Variants in FRMD6 observed in about 807,000 individuals in gnomAD.
FRMD6 encodes FERM domain-containing protein 6.
FRMD6 carries 37 observed loss-of-function variants against 73.2 expected under a neutral mutation model. The observed-to-expected ratio is 0.51, with a 90% confidence interval of 0.39 to 0.66. The LOEUF (loss-of-function observed/expected upper bound fraction) is 0.66. FRMD6 is among the 30% of genes least tolerant of loss of function. FRMD6 has a pLI of 0.00. For missense variants in FRMD6, 714 were observed against 780.5 expected, an observed-to-expected ratio of 0.91 and a Z score of 1.02; for synonymous variants, 273 against 282.2, an observed-to-expected ratio of 0.97 and a Z score of 0.33.
At chr14:51,501,033 T>C (rs776982767) in intron 1 of FRMD6, among the ~76,000 whole-genome samples, 10 of 152,142 alleles carry the variant, frequency 6.6e-5, no homozygotes, top group Non-Finnish European at 1.3e-4. Flanking sequence ...TCAGACAGCT[T>C]CCCTGTTCCT....
the FRMD6 span, among the ~76,000 whole-genome samples, chr14:51,411,272 G>A: frequency 6.6e-6 from 1 of 152,190 alleles, no homozygotes; most frequent in African/African-American, 2.4e-5. Flanking sequence ...GGCAGCAAGA[G>A]CAGAACTGAA....
intron 6 of FRMD6, among the ~76,000 whole-genome samples, chr14:51,705,933 A>G (rs897499231): frequency 2.6e-5 from 4 of 152,134 alleles, no homozygotes; most frequent in African/African-American, 7.2e-5. Flanking sequence ...ATCTCATCCA[A>G]ATTAATGCTT....
chr14:51,517,440 C>A (rs1884694896), intron 1 of FRMD6, among the ~76,000 whole-genome samples: 2 of 152,134 alleles, frequency 1.3e-5, no homozygotes, highest in Admixed American at 6.5e-5. Flanking sequence ...ATAAAGAGAG[C>A]TGTTTACCCT....
At chr14:51,423,082 T>C in the FRMD6 span, among the ~76,000 whole-genome samples, 1,317 of 152,326 alleles carry the variant, frequency 8.6e-3, 19 homozygotes, top group Middle Eastern at 0.048. Context: ...GCCAGCCTGC[T>C]TTGGACTGTA....
At chr14:51,705,741 A>G (rs1896588153) in intron 6 of FRMD6, among the ~76,000 whole-genome samples, 1 of 152,106 alleles carries the variant, frequency 6.6e-6, no homozygotes, top group Non-Finnish European at 1.5e-5. Context: ...TTTCCCCATC[A>G]GTCCACTCAT....
At chr14:51,538,997 A>G (rs550542469) in intron 1 of FRMD6, among the ~76,000 whole-genome samples, 1 of 152,206 alleles carries the variant, frequency 6.6e-6, no homozygotes, top group African/African-American at 2.4e-5. Context: ...TAGAAATACA[A>G]TGGACTTTTA....
rs781036127 is a variant in FRMD6, at chr14:51,727,754, C to T, written c.1594C>T (p.Arg532Trp). The T allele has an allele frequency of 6.9e-6, 11 of 1,597,652 alleles. No homozygotes were observed. The highest frequency in any genetic ancestry group is 1.7e-4 in the Middle Eastern group (1 of 6,040). Reference sequence around the variant, plus strand: ...TTCCCTTATCTTGCAGACTATATGTCGGAAACCAAAGACCTCCACTGATCG... The same window carrying T: ...TTCCCTTATCTTGCAGACTATATGTTGGAAACCAAAGACCTCCACTGATCG... The part of the protein sequence containing the change: ...STDSLPQTIC[R>W]KPKTSTDRHS... Residue 532 changes from arginine to tryptophan, a missense_variant, in exon 14 of 14, where the codon CGG (arginine) becomes TGG (tryptophan). Arg to Trp is a moderately radical substitution (Grantham distance 101, BLOSUM62 -3). Coordinates refer to ENST00000344768, the MANE Select transcript of FRMD6 (RefSeq NM_001267046.2).
chr14:51,552,156 T>A (rs571500844), intron 1 of FRMD6, among the ~76,000 whole-genome samples: 3 of 152,314 alleles, frequency 2.0e-5, no homozygotes, highest in African/African-American at 7.2e-5. Flanking sequence ...ATGGGGTAAA[T>A]CTGTTGATAA....
chr14:51,591,985 G>T (rs901690472), intron 2 of FRMD6, among the ~76,000 whole-genome samples: 1 of 152,076 alleles, frequency 6.6e-6, no homozygotes, highest in Non-Finnish European at 1.5e-5. Flanking sequence ...GGTCATTTTT[G>T]CAGTCTCACA....
At chr14:51,411,094 C>T in the FRMD6 span, among the ~76,000 whole-genome samples, 2 of 152,296 alleles carry the variant, frequency 1.3e-5, no homozygotes, top group South Asian at 2.1e-4. Flanking sequence ...TGTGTTCCCT[C>T]CTATCCTCAG....
the FRMD6 span, among the ~76,000 whole-genome samples, chr14:51,467,034 A>G: frequency 6.6e-6 from 1 of 152,016 alleles, no homozygotes; most frequent in Non-Finnish European, 1.5e-5. Context: ...TGGCAGGGTC[A>G]TAGGACAATA....
upstream of FRMD6, chr14:51,651,602 C>G (rs1293056843): frequency 6.6e-6 from 1 of 152,276 alleles, no homozygotes; most frequent in Non-Finnish European, 1.5e-5. Flanking sequence ...CCGCGTCCAC[C>G]TGAGGCTCGC....
chr14:51,542,081 T>G (rs184453875), intron 1 of FRMD6, among the ~76,000 whole-genome samples: 2 of 152,184 alleles, frequency 1.3e-5, no homozygotes, highest in Admixed American at 6.5e-5. Context: ...CCATACCAGG[T>G]GCTTCAAAAT....
At chr14:51,461,054 A>G in the FRMD6 span, among the ~76,000 whole-genome samples, 36 of 152,224 alleles carry the variant, frequency 2.4e-4, no homozygotes, top group Non-Finnish European at 4.6e-4. Flanking sequence ...AAGAGCCACA[A>G]AGGGAAACCA....
At chr14:51,501,516 G>T (rs1883620130) in intron 1 of FRMD6, among the ~76,000 whole-genome samples, 1 of 152,060 alleles carries the variant, frequency 6.6e-6, no homozygotes, top group Non-Finnish European at 1.5e-5. Context: ...ATGGCTTTCA[G>T]CTCCATCCAG....
chr14:51,653,290 C>G (rs1892563570), intron 1 of FRMD6, among the ~76,000 whole-genome samples: 1 of 152,138 alleles, frequency 6.6e-6, no homozygotes, highest in Non-Finnish European at 1.5e-5. Flanking sequence ...AGTTTTTGCA[C>G]GAAATACTCC....
intron 2 of FRMD6, chr14:51,637,967 T>C (rs1244091910): frequency 6.6e-6 from 1 of 152,124 alleles, no homozygotes; most frequent in Non-Finnish European, 1.5e-5. Context: ...AGATGCTGAG[T>C]AAGACGGCAA....
At chr14:51,475,660 G>T in the FRMD6 span, among the ~76,000 whole-genome samples, 2 of 152,100 alleles carry the variant, frequency 1.3e-5, no homozygotes, top group African/African-American at 4.8e-5. Flanking sequence ...TGCTATTATG[G>T]TTTACCTGTA....
intron 1 of FRMD6, among the ~76,000 whole-genome samples, chr14:51,551,019 C>T (rs17585925): frequency 0.038 from 5,790 of 152,254 alleles, 145 homozygotes; most frequent in Non-Finnish European, 0.056. Flanking sequence ...CTTCACTTGT[C>T]CCTTGATGCC....
Sources: gnomAD v4.1 joint callset for allele counts (sites outside exome capture counted in the v4.1 genomes callset) on GRCh38, gnomAD v4.1.1 for gene constraint, MANE v1.5 for transcripts, NCBI Gene and HGNC (gene_info 2026-07-23, HGNC 2026-07-21) for gene names.